The following ANKRD17 variants were observed in gnomAD, a reference collection of about 807,000 sequenced individuals.
ANKRD17 encodes ankyrin repeat domain-containing protein 17.
ANKRD17 carries 19 observed loss-of-function variants against 229.7 expected under a neutral mutation model. That is an observed-to-expected ratio of 0.08 (90% CI 0.06 to 0.12). The LOEUF (loss-of-function observed/expected upper bound fraction) is 0.12. ANKRD17 is among the 10% of genes least tolerant of loss of function. The pLI is 1.00. For synonymous variants in ANKRD17, 1,112 were observed against 1,146.1 expected (o/e 0.97, Z 0.60); for missense variants, 2,176 against 3,176.8 (o/e 0.68, Z 7.57).
At chr4:73,182,774 A>G (rs1489546552) in intron 1 of ANKRD17, among the ~76,000 whole-genome samples, 1 of 152,226 alleles carries the variant, frequency 6.6e-6, no homozygotes, top group African/African-American at 2.4e-5. Context: ...AAGATAAATC[A>G]ATGTTTCTCA....
At position 73,258,489 on chromosome 4, in the gene ANKRD17, C is replaced by T; in HGVS notation, c.180G>A (p.Leu60=). Residue 60 remains leucine, a synonymous_variant, in exon 1 of 34, where the codon CTG becomes CTA. Transcript: ENST00000358602. ...GCTGCGGCGGCTTCTTCTTCAGGAG[C>T]AGGTCGCAGACTCGCACCATCCCAC... The part of the protein sequence containing the change: ...SPRGMVRVCD[L]LLKKKPPQQQ... 6.3e-7 allele frequency: 1 copy of T among 1,576,418 alleles called. No homozygotes were observed. Among genetic ancestry groups the T allele is most frequent in the Non-Finnish European group, 8.6e-7 (1 of 1,162,752 alleles).
intron 10 of ANKRD17, 95 bp downstream of exon 10, chr4:73,146,669 T>A (rs932308204): frequency 1.2e-6 from 1 of 867,598 alleles, no homozygotes; most frequent in Non-Finnish European, 1.7e-6. Context: ...ACAATAAAAC[T>A]GAAGGTAAAG....
rs538234834 is a variant in ANKRD17 at position 73,184,548 on chromosome 4, A to G, written c.394-7015T>C. On this transcript the variant is annotated intron_variant, in intron 1 of 33. Transcript: ENST00000358602. Reference sequence around the variant, plus strand: ...CCTCTCAAAAAAAAAAAAAAAAAAAAAAAAAGAAAAGAAAACTAGTATATT... The same window carrying G: ...CCTCTCAAAAAAAAAAAAAAAAAAAGAAAAAGAAAAGAAAACTAGTATATT... 9.0e-4 allele frequency among the ~76,000 whole-genome samples: 136 copies of G among 150,740 alleles called. 1 individual carries two copies. The highest frequency in any genetic ancestry group is 3.0e-3 in the African/African-American group (125 of 41,238).
chr4:73,100,959 G>A (rs1723906749), intron 25 of ANKRD17: 1 of 985,056 alleles, frequency 1.0e-6, no homozygotes, highest in South Asian at 4.7e-5. Flanking sequence ...TAGATTGAAA[G>A]TATTCAAAAA....
Position 73,254,857 on chromosome 4 carries a change from AAAGT to A in ANKRD17, c.393+3415_393+3418del, listed in dbSNP as rs1441212579. On this transcript the variant is annotated intron_variant, in intron 1 of 33. Coordinates refer to ENST00000358602, the MANE Select transcript of ANKRD17 (RefSeq NM_032217.5). ...TAGAATGCAATGTTATTTCTAAAATAAAGTATCAACTCTTGAAATTATAAGATTT... is the reference window on the plus strand; with the variant it reads ...TAGAATGCAATGTTATTTCTAAAATAATCAACTCTTGAAATTATAAGATTT... 2.0e-5 allele frequency among the ~76,000 whole-genome samples: 3 copies of A among 152,342 alleles called. No homozygotes were observed. The East Asian group carries it at 5.8e-4, about 29-fold the overall frequency.
chr4:73,216,126 T>A (rs540323709), intron 1 of ANKRD17, among the ~76,000 whole-genome samples: 11 of 152,216 alleles, frequency 7.2e-5, no homozygotes, highest in African/African-American at 2.4e-4. Context: ...AGTCTAGTTA[T>A]CTTCCATTAA....
At chr4:73,187,047 T>C (rs1736395081) in intron 1 of ANKRD17, among the ~76,000 whole-genome samples, 1 of 152,136 alleles carries the variant, frequency 6.6e-6, no homozygotes, top group South Asian at 2.1e-4. Flanking sequence ...ATATAAAGTC[T>C]AGAAAACTTC....
At chr4:73,232,617 A>G (rs1187629109) in intron 1 of ANKRD17, among the ~76,000 whole-genome samples, 1 of 152,156 alleles carries the variant, frequency 6.6e-6, no homozygotes, top group Non-Finnish European at 1.5e-5. Context: ...TGTGTCTTCT[A>G]TTTGTACCTC....
At chr4:73,111,681 G>C (rs1725338022) in intron 24 of ANKRD17, among the ~76,000 whole-genome samples, 2 of 152,062 alleles carry the variant, frequency 1.3e-5, no homozygotes, top group African/African-American at 4.8e-5. Context: ...ACTTATTATG[G>C]ACTATTCTGC....
intron 24 of ANKRD17, chr4:73,113,161 T>C: frequency 7.9e-7 from 1 of 1,262,762 alleles, no homozygotes; most frequent in Non-Finnish European, 1.0e-6. Flanking sequence ...TTTCCTATGA[T>C]TACTATTCAG....
intron 16 of ANKRD17, among the ~76,000 whole-genome samples, chr4:73,127,268 C>G (rs1727597714): frequency 6.6e-6 from 1 of 152,134 alleles, no homozygotes. Flanking sequence ...GTAAGTCTAA[C>G]ATGCCCAAGT....
intron 2 of ANKRD17, among the ~76,000 whole-genome samples, chr4:73,171,178 G>GGAGAGAGAGAGA (rs56882212): frequency 0.017 from 1,796 of 104,436 alleles, 89 homozygotes; most frequent in South Asian, 0.021. Flanking sequence ...CTCAGAGGGG[G>GGAGAGAGAGAGA]GAGAGAGAGA....
At chr4:73,228,167 C>T (rs1742692322) in intron 1 of ANKRD17, among the ~76,000 whole-genome samples, 1 of 151,862 alleles carries the variant, frequency 6.6e-6, no homozygotes, top group African/African-American at 2.4e-5. Context: ...AGTATGAAAC[C>T]CAAGTGTGAA....
At chr4:73,164,826 T>A (rs1733020887) in intron 2 of ANKRD17, among the ~76,000 whole-genome samples, 1 of 151,068 alleles carries the variant, frequency 6.6e-6, no homozygotes, top group African/African-American at 2.4e-5. Context: ...ATGACCAGAT[T>A]ATTATTTCCA....
rs114819493 is a variant in ANKRD17 at position 73,228,535 on chromosome 4, C to T, written c.393+29741G>A. Among the ~76,000 whole-genome samples the T allele has an allele frequency of 4.3e-3, 658 of 152,256 alleles. 2 individuals carry two copies. Among genetic ancestry groups the T allele is most frequent in the African/African-American group, 0.015 (614 of 41,532 alleles). ...TACCAAGCCATCCTAAGAGACACAACCAGTTATTGTATCCTTCCAGAAATA... is the reference window on the plus strand; with the variant it reads ...TACCAAGCCATCCTAAGAGACACAATCAGTTATTGTATCCTTCCAGAAATA... On this transcript the variant is annotated intron_variant, in intron 1 of 33. Coordinates refer to ENST00000358602, the MANE Select transcript of ANKRD17 (RefSeq NM_032217.5).
chr4:73,178,605 C>T lies in ANKRD17; in HGVS notation c.394-1072G>A, dbSNP rs1017800674. On this transcript the variant is annotated intron_variant, in intron 1 of 33. Coordinates refer to ENST00000358602, the MANE Select transcript of ANKRD17 (RefSeq NM_032217.5). ...GTTTTTGCACCATCATCGTAAATGT[C>T]AACATAGTAAAAAAGTCAAGTAACA... Among the ~76,000 whole-genome samples the T allele has an allele frequency of 3.4e-4, 51 of 151,964 alleles. 1 individual carries two copies. Among genetic ancestry groups the T allele is most frequent in the Admixed American group, 1.2e-3 (19 of 15,270 alleles).
chr4:73,099,691 T>C (rs1234095057), intron 25 of ANKRD17, among the ~76,000 whole-genome samples: 1 of 152,146 alleles, frequency 6.6e-6, no homozygotes, highest in Non-Finnish European at 1.5e-5. Flanking sequence ...CAAACTGTGT[T>C]TGTCACTATG....
At chr4:73,254,447 C>A (rs1455261252) in intron 1 of ANKRD17, among the ~76,000 whole-genome samples, 2 of 152,142 alleles carry the variant, frequency 1.3e-5, no homozygotes, top group African/African-American at 4.8e-5. Context: ...AAAAATGTTT[C>A]TCCCCCTTTG....
At chr4:73,193,713 G>C (rs1275998598) in intron 1 of ANKRD17, among the ~76,000 whole-genome samples, 2 of 152,110 alleles carry the variant, frequency 1.3e-5, no homozygotes, top group Non-Finnish European at 2.9e-5. Context: ...TGGGCTGATT[G>C]CTTGAGCCTA....
Sources: gnomAD v4.1 joint callset for allele counts (sites outside exome capture counted in the v4.1 genomes callset) on GRCh38, gnomAD v4.1.1 for gene constraint, MANE v1.5 for transcripts, NCBI Gene and HGNC (gene_info 2026-07-23, HGNC 2026-07-21) for gene names.